Variants in RANBP2 observed in about 807,000 individuals in gnomAD.
The protein encoded by RANBP2 is RAN binding protein 2, also known as E3 SUMO-protein ligase RanBP2.
In RANBP2, 57 loss-of-function variants were observed where a neutral mutation model predicts 303.6. That is an observed-to-expected ratio of 0.19 (90% CI 0.15 to 0.23). The LOEUF is 0.23. Ranked by LOEUF, RANBP2 falls within the 10% of genes least tolerant of loss-of-function variation. RANBP2 has a pLI of 1.00. For missense variants in RANBP2, 3,138 were observed against 3,780.8 expected, an observed-to-expected ratio of 0.83 and a Z score of 4.46; for synonymous variants, 1,167 against 1,301.5, an observed-to-expected ratio of 0.90 and a Z score of 2.23.
At chr2:109,488,552 C>T in the RANBP2 span, among the ~76,000 whole-genome samples, 1 of 152,324 alleles carries the variant, frequency 6.6e-6, no homozygotes, top group Admixed American at 6.5e-5. Flanking sequence ...TCACTCCCTG[C>T]CCCCAGGCAC....
chr2:109,573,824 T>C, the RANBP2 span, among the ~76,000 whole-genome samples: 2 of 152,208 alleles, frequency 1.3e-5, no homozygotes, highest in East Asian at 3.8e-4. Flanking sequence ...CCTAAATTTA[T>C]ATATAGCTCC....
chr2:109,459,563 C>G, the RANBP2 span, among the ~76,000 whole-genome samples: 2 of 152,172 alleles, frequency 1.3e-5, no homozygotes, highest in Non-Finnish European at 2.9e-5. Context: ...TCCTGTATCC[C>G]AGACATGCTC....
the RANBP2 span, among the ~76,000 whole-genome samples, chr2:109,055,610 T>G: frequency 2.0e-5 from 3 of 151,902 alleles, no homozygotes; most frequent in Admixed American, 6.6e-5. Context: ...GGTCTCGAAC[T>G]GCTGACCTAG....
the RANBP2 span, among the ~76,000 whole-genome samples, chr2:109,315,150 G>T: frequency 2.0e-5 from 3 of 152,228 alleles, no homozygotes; most frequent in African/African-American, 7.2e-5. Flanking sequence ...ACTTTACTGA[G>T]TATAATTAGC....
At chr2:108,788,740 AAATTT>A, downstream of RANBP2, 5 of 1,438,654 alleles carry the variant, frequency 3.5e-6, no homozygotes, top group Non-Finnish European at 4.6e-6. Flanking sequence ...AAAGAAAAAA[AAATTT>A]GAGAGAGAAG....
Position 108,736,426 on chromosome 2 carries a change from C to G in RANBP2, c.782+177C>G, listed in dbSNP as rs186013865. 3.0e-3 allele frequency among the ~76,000 whole-genome samples: 463 copies of G among 152,218 alleles called. 1 individual carries two copies. Among genetic ancestry groups the G allele is most frequent in the Non-Finnish European group, 4.7e-3 (318 of 68,006 alleles). ...ATTTTTCTTCTTTTACGGGGAAGTTCTAATTGGTTTTATATGACTTTCCTT... is the reference window on the plus strand; with the variant it reads ...ATTTTTCTTCTTTTACGGGGAAGTTGTAATTGGTTTTATATGACTTTCCTT... On this transcript the variant is annotated intron_variant, in intron 6 of 28. Coordinates refer to ENST00000283195, the MANE Select transcript of RANBP2 (RefSeq NM_006267.5).
chr2:109,760,903 C>T, the RANBP2 span, among the ~76,000 whole-genome samples: 1 of 134,798 alleles, frequency 7.4e-6, no homozygotes, highest in Non-Finnish European at 1.6e-5. Context: ...TCGGGGGCGC[C>T]TGCCTCGCCA....
the RANBP2 span, among the ~76,000 whole-genome samples, chr2:109,207,755 G>A: frequency 1.3e-5 from 2 of 152,090 alleles, no homozygotes; most frequent in African/African-American, 2.4e-5. Flanking sequence ...GTTGTAAATT[G>A]CTAAAATCAA....
chr2:108,800,638 T>TTTTTTTTTA, the RANBP2 span, among the ~76,000 whole-genome samples: 37 of 73,770 alleles, frequency 5.0e-4, 10 homozygotes, highest in African/African-American at 2.1e-3. Flanking sequence ...TTTTTTTTTT[T>TTTTTTTTTA]AATTATACTT....
chr2:108,782,491 T>G, intron 27 of RANBP2, 37 bp from the exon 28 acceptor site: 6 of 1,613,390 alleles, frequency 3.7e-6, no homozygotes, highest in Non-Finnish European at 4.2e-6. Context: ...GTTATTTTAA[T>G]ACTAAGGTCA....
At chr2:109,064,469 A>AC in the RANBP2 span, among the ~76,000 whole-genome samples, 4 of 149,018 alleles carry the variant, frequency 2.7e-5, no homozygotes, top group South Asian at 8.7e-4. Context: ...AAAAAAAAAA[A>AC]AACAAAAACA....
At chr2:109,679,166 G>T in the RANBP2 span, among the ~76,000 whole-genome samples, 1 of 152,146 alleles carries the variant, frequency 6.6e-6, no homozygotes, top group Non-Finnish European at 1.5e-5. Flanking sequence ...CCACCCAAAA[G>T]CACAAAATGC....
At chr2:109,328,941 G>A in the RANBP2 span, among the ~76,000 whole-genome samples, 1 of 152,186 alleles carries the variant, frequency 6.6e-6, no homozygotes, top group African/African-American at 2.4e-5. Context: ...TGTTAACGGG[G>A]TGGTCATGAC....
the RANBP2 span, among the ~76,000 whole-genome samples, chr2:109,234,954 C>T: frequency 2.8e-4 from 42 of 152,326 alleles, no homozygotes; most frequent in East Asian, 7.1e-3. Context: ...GTCCTAACCT[C>T]AGCACCTGTT....
At chr2:109,725,119 G>A in the RANBP2 span, among the ~76,000 whole-genome samples, 1 of 152,212 alleles carries the variant, frequency 6.6e-6, no homozygotes, top group African/African-American at 2.4e-5. Flanking sequence ...ATTCTGCAGT[G>A]ACAGAACAGA....
chr2:108,767,331 A>G lies in RANBP2; in HGVS notation c.6792A>G (p.Thr2264=), dbSNP rs773147227. ...ATCTTTTCCGTTTTGGTGAGTCAAC[A>G]ACAGGATTTAACTTCAGTTTTAAAT... is the stretch of plus-strand genomic sequence containing the variant. ...RKNLFRFGES[T]TGFNFSFKSA... The change falls in exon 20 of 29, where the codon ACA becomes ACG. Residue 2264 remains threonine (T), a synonymous_variant. Coordinates refer to ENST00000283195, the MANE Select transcript of RANBP2 (RefSeq NM_006267.5). 1 of 1,611,962 alleles carries G rather than the reference A, an allele frequency of 6.2e-7. No individual in the cohort carries two copies. The highest frequency in any genetic ancestry group is 8.5e-7 in the Non-Finnish European group (1 of 1,179,880).
At chr2:109,391,088 G>A in the RANBP2 span, among the ~76,000 whole-genome samples, 18 of 152,288 alleles carry the variant, frequency 1.2e-4, no homozygotes, top group South Asian at 3.3e-3. Flanking sequence ...CATAAGAGGG[G>A]GCTGAAATGA....
chr2:108,974,663 A>C, the RANBP2 span, among the ~76,000 whole-genome samples: 19 of 151,894 alleles, frequency 1.3e-4, no homozygotes, highest in Non-Finnish European at 2.2e-4. Flanking sequence ...CCGGCAGGCG[A>C]AGGTTTCAGT....
the RANBP2 span, among the ~76,000 whole-genome samples, chr2:109,661,143 G>A: frequency 2.6e-5 from 4 of 152,162 alleles, no homozygotes; most frequent in Non-Finnish European, 5.9e-5. Flanking sequence ...TAGGGACCCA[G>A]GTTTATGGAA....
Sources: allele counts gnomAD v4.1 joint callset (sites outside exome capture counted in the v4.1 genomes callset), GRCh38; gene constraint gnomAD v4.1.1; transcripts MANE v1.5; gene names NCBI Gene and HGNC (gene_info 2026-07-23, HGNC 2026-07-21).